Variants in PRKCE observed in about 807,000 individuals in gnomAD.
PRKCE encodes protein kinase C epsilon type.
In PRKCE, 16 loss-of-function variants were observed where a neutral mutation model predicts 85.4. The observed-to-expected ratio is 0.19, with a 90% confidence interval of 0.13 to 0.28. The LOEUF is 0.28. PRKCE is among the 10% of genes least tolerant of loss of function. The pLI, the probability that PRKCE is intolerant of heterozygous loss-of-function variation, is 1.00. For missense variants in PRKCE, 573 were observed against 975.2 expected, an observed-to-expected ratio of 0.59 and a Z score of 5.49; for synonymous variants, 388 against 371.5, an observed-to-expected ratio of 1.04 and a Z score of -0.51.
chr2:45,928,002 C>T (rs367797619), intron 2 of PRKCE, among the ~76,000 whole-genome samples: 22 of 152,042 alleles, frequency 1.4e-4, no homozygotes, highest in African/African-American at 3.9e-4. Flanking sequence ...AGCCCAGGGC[C>T]GAGGAAGAGT....
chr2:45,877,937 A>G (rs1694599667), intron 2 of PRKCE, among the ~76,000 whole-genome samples: 1 of 152,226 alleles, frequency 6.6e-6, no homozygotes, highest in South Asian at 2.1e-4. Context: ...CATCCAGACA[A>G]TGAGATGCTG....
chr2:46,040,553 A>G (rs1287457706), intron 10 of PRKCE, among the ~76,000 whole-genome samples: 1 of 152,198 alleles, frequency 6.6e-6, no homozygotes, highest in Non-Finnish European at 1.5e-5. Flanking sequence ...GTTGAGAGCC[A>G]CTGTCTAGGA....
At chr2:45,655,700 G>A (rs1675344489) in intron 1 of PRKCE, among the ~76,000 whole-genome samples, 2 of 152,074 alleles carry the variant, frequency 1.3e-5, no homozygotes, top group African/African-American at 4.8e-5. Flanking sequence ...GACCTGCGGT[G>A]TGGTGTGTGC....
intron 1 of PRKCE, among the ~76,000 whole-genome samples, chr2:45,764,468 T>G (rs1684752785): frequency 3.3e-5 from 5 of 152,234 alleles, no homozygotes; most frequent in Admixed American, 2.6e-4. Context: ...TGGCTTCTGT[T>G]GCAATCAGGG....
intron 5 of PRKCE, among the ~76,000 whole-genome samples, chr2:45,983,243 A>G (rs962082099): frequency 3.9e-5 from 6 of 152,154 alleles, no homozygotes; most frequent in African/African-American, 1.4e-4. Flanking sequence ...CTTGCGTTCA[A>G]GTCGAGCTCC....
chr2:45,876,003 A>T (rs1352606757), intron 2 of PRKCE, among the ~76,000 whole-genome samples: 1 of 152,198 alleles, frequency 6.6e-6, no homozygotes, highest in Non-Finnish European at 1.5e-5. Flanking sequence ...CAGTGGGAAT[A>T]ATCTTCTATG....
intron 10 of PRKCE, among the ~76,000 whole-genome samples, chr2:46,040,515 G>T (rs898457745): frequency 6.6e-6 from 1 of 152,102 alleles, no homozygotes; most frequent in African/African-American, 2.4e-5. Context: ...TCTTCATGGT[G>T]GGGCCTGGGG....
intron 1 of PRKCE, among the ~76,000 whole-genome samples, chr2:45,717,176 C>T (rs543792546): frequency 6.6e-6 from 1 of 152,102 alleles, no homozygotes; most frequent in Non-Finnish European, 1.5e-5. Flanking sequence ...CAGGCTAGGC[C>T]CAGATGAGGA....
At chr2:45,682,576 A>C (rs532657797) in intron 1 of PRKCE, among the ~76,000 whole-genome samples, 29 of 151,884 alleles carry the variant, frequency 1.9e-4, no homozygotes, top group African/African-American at 6.8e-4. Flanking sequence ...ACAGGCACAC[A>C]TCACCTTGCC....
At chr2:45,763,770 G>T (rs929618956) in intron 1 of PRKCE, among the ~76,000 whole-genome samples, 2 of 152,048 alleles carry the variant, frequency 1.3e-5, no homozygotes, top group African/African-American at 4.8e-5. Flanking sequence ...TTTTATCAGT[G>T]GGGGAAAGAG....
chr2:45,755,496 T>G (rs767515351), intron 1 of PRKCE, among the ~76,000 whole-genome samples: 4 of 152,230 alleles, frequency 2.6e-5, no homozygotes, highest in Non-Finnish European at 4.4e-5. Context: ...GCTGCTGTTT[T>G]GCTGAGAAAT....
At chr2:45,736,149 C>T (rs1331824731) in intron 1 of PRKCE, among the ~76,000 whole-genome samples, 1 of 152,068 alleles carries the variant, frequency 6.6e-6, no homozygotes, top group Non-Finnish European at 1.5e-5. Flanking sequence ...TTAGTAGAGA[C>T]AGGTTTTCAC....
intron 11 of PRKCE, among the ~76,000 whole-genome samples, chr2:46,099,092 A>C (rs930099732): frequency 2.6e-5 from 4 of 152,070 alleles, no homozygotes; most frequent in African/African-American, 9.7e-5. Context: ...TTCTTCCAAC[A>C]TTCTTGGCCA....
At chr2:45,787,143 C>T (rs184913130) in intron 1 of PRKCE, among the ~76,000 whole-genome samples, 11 of 152,294 alleles carry the variant, frequency 7.2e-5, no homozygotes, top group East Asian at 5.8e-4. Context: ...CTGGGAGGAG[C>T]GTGGCTGTAG....
At chr2:45,923,715 G>A (rs1419598282) in intron 2 of PRKCE, among the ~76,000 whole-genome samples, 2 of 152,240 alleles carry the variant, frequency 1.3e-5, no homozygotes, top group African/African-American at 4.8e-5. Context: ...GGAGGGCAGA[G>A]CAGGGAACCA....
chr2:45,763,307 C>G (rs572429727), intron 1 of PRKCE, among the ~76,000 whole-genome samples: 1 of 152,018 alleles, frequency 6.6e-6, no homozygotes, highest in Non-Finnish European at 1.5e-5. Flanking sequence ...TTGCTTTGGG[C>G]CTGTGAATGG....
intron 1 of PRKCE, among the ~76,000 whole-genome samples, chr2:45,717,288 G>C (rs544927885): frequency 6.6e-6 from 1 of 152,164 alleles, no homozygotes; most frequent in Non-Finnish European, 1.5e-5. Flanking sequence ...AAGTCTGTTT[G>C]GACCTATGGG....
rs557129232 is a variant in PRKCE, at chr2:45,955,361, G to C, written c.413-21068G>C. Reference sequence around the variant, plus strand: ...GAGGGTTTGCCAGGAGACTGACCTGGTTGGTGTGATAAAAACATGGGAGGA... The same window carrying C: ...GAGGGTTTGCCAGGAGACTGACCTGCTTGGTGTGATAAAAACATGGGAGGA... On this transcript the variant is annotated intron_variant, in intron 2 of 14. Coordinates refer to ENST00000306156, the MANE Select transcript of PRKCE (RefSeq NM_005400.3). Among the ~76,000 whole-genome samples, 7 of 152,308 alleles carry C rather than the reference G, an allele frequency of 4.6e-5. No homozygotes were observed. The East Asian group carries it at 1.3e-3, about 29-fold the overall frequency.
At chr2:45,965,338 A>G (rs527777757) in intron 2 of PRKCE, among the ~76,000 whole-genome samples, 8 of 152,364 alleles carry the variant, frequency 5.3e-5, no homozygotes, top group African/African-American at 1.9e-4. Context: ...TCTATGGAAA[A>G]TTACAAAATA....
Sources: allele counts gnomAD v4.1 joint callset (sites outside exome capture counted in the v4.1 genomes callset), GRCh38; gene constraint gnomAD v4.1.1; transcripts MANE v1.5; gene names NCBI Gene and HGNC (gene_info 2026-07-23, HGNC 2026-07-21).